The following ANO2 variants were observed in gnomAD, a reference collection of about 807,000 sequenced individuals.
The protein encoded by ANO2 is anoctamin-2.
A neutral mutation model predicts 124.2 loss-of-function variants in ANO2; 101 were observed. That is an observed-to-expected ratio of 0.81 (90% CI 0.69 to 0.96). The LOEUF is 0.96. Ranked by LOEUF, ANO2 falls within the 40% of genes least tolerant of loss-of-function variation. ANO2 has a pLI of 0.00. For missense variants in ANO2, 1,293 were observed against 1,274.5 expected (o/e 1.01, Z -0.22); for synonymous variants, 486 against 482.5 (o/e 1.01, Z -0.09).
At chr12:5,871,792 ACT>A (rs1272205868) in intron 3 of ANO2, among the ~76,000 whole-genome samples, 3 of 152,068 alleles carry the variant, frequency 2.0e-5, no homozygotes, top group African/African-American at 7.2e-5. Context: ...ATGGATACAA[ACT>A]CTGCTGTTTT....
intron 19 of ANO2, among the ~76,000 whole-genome samples, chr12:5,607,401 T>C (rs1218704151): frequency 2.6e-5 from 4 of 151,488 alleles, no homozygotes; most frequent in Non-Finnish European, 5.9e-5. Flanking sequence ...GTTTTTAGTT[T>C]AGTTTTGTTT....
chr12:5,773,916 C>T (rs993012036), intron 10 of ANO2, among the ~76,000 whole-genome samples: 2 of 152,252 alleles, frequency 1.3e-5, no homozygotes, highest in African/African-American at 2.4e-5. Flanking sequence ...ATGAAAATGA[C>T]CTTATCTCAT....
intron 3 of ANO2, among the ~76,000 whole-genome samples, chr12:5,880,477 T>G (rs1384760785): frequency 1.3e-5 from 2 of 151,786 alleles, no homozygotes; most frequent in African/African-American, 4.8e-5. Context: ...CACTGATACT[T>G]CAATGACAGA....
intron 1 of ANO2, among the ~76,000 whole-genome samples, chr12:5,927,562 T>A (rs1400361434): frequency 6.6e-6 from 1 of 152,318 alleles, no homozygotes; most frequent in Non-Finnish European, 1.5e-5. Context: ...TATTCCACCC[T>A]CCACTGTCCA....
intron 15 of ANO2, among the ~76,000 whole-genome samples, chr12:5,640,727 G>A (rs555968574): frequency 1.0e-3 from 158 of 152,304 alleles, no homozygotes; most frequent in Admixed American, 2.5e-3. Flanking sequence ...GGAAACAACA[G>A]ATGCTGGAGA....
chr12:5,685,735 C>T (rs549810221), intron 14 of ANO2, among the ~76,000 whole-genome samples: 1 of 152,330 alleles, frequency 6.6e-6, no homozygotes, highest in Admixed American at 6.5e-5. Context: ...TGTGATCATG[C>T]CACTGCACTC....
intron 16 of ANO2, among the ~76,000 whole-genome samples, chr12:5,624,551 C>A (rs185434102): frequency 2.0e-3 from 302 of 152,246 alleles, no homozygotes; most frequent in African/African-American, 7.1e-3. Context: ...CCATTCTCAG[C>A]CCACCCCTCA....
intron 13 of ANO2, chr12:5,733,208 T>C: frequency 2.3e-6 from 1 of 428,064 alleles, no homozygotes. Flanking sequence ...ACCTGTTTCC[T>C]GTGCAGCCTC....
At chr12:5,696,909 T>G (rs1949205627) in intron 14 of ANO2, among the ~76,000 whole-genome samples, 1 of 152,236 alleles carries the variant, frequency 6.6e-6, no homozygotes, top group African/African-American at 2.4e-5. Context: ...CATAGTTTAG[T>G]TTAATTTAAA....
intron 16 of ANO2, among the ~76,000 whole-genome samples, chr12:5,626,993 T>C (rs1003951): frequency 0.23 from 35,504 of 152,132 alleles, 5,155 homozygotes; most frequent in Admixed American, 0.34. Context: ...TGCAAGGACT[T>C]TGCAGGGAAA....
At chr12:5,661,774 T>C (rs759410571) in intron 14 of ANO2, among the ~76,000 whole-genome samples, 1 of 152,182 alleles carries the variant, frequency 6.6e-6, no homozygotes, top group East Asian at 1.9e-4. Flanking sequence ...GGGCCAGGAA[T>C]CTGTTTTTGA....
chr12:5,571,330 C>A (rs1942104284), intron 23 of ANO2, among the ~76,000 whole-genome samples: 1 of 152,224 alleles, frequency 6.6e-6, no homozygotes, highest in Non-Finnish European at 1.5e-5. Context: ...TACGGAGCAG[C>A]CCTGCCAGAG....
chr12:5,933,055 T>C (rs1318584605), intron 1 of ANO2, among the ~76,000 whole-genome samples: 1 of 152,202 alleles, frequency 6.6e-6, no homozygotes, highest in Middle Eastern at 3.2e-3. Context: ...CACCCTCATT[T>C]TCTGCCTGCG....
chr12:5,590,786 C>T (rs932262090), intron 20 of ANO2, among the ~76,000 whole-genome samples: 31 of 152,316 alleles, frequency 2.0e-4, no homozygotes, highest in African/African-American at 7.5e-4. Context: ...AACAGTAGGT[C>T]CTTTCTTATA....
chr12:5,724,455 C>T (rs1194653243), intron 14 of ANO2, among the ~76,000 whole-genome samples: 1 of 152,192 alleles, frequency 6.6e-6, no homozygotes, highest in African/African-American at 2.4e-5. Flanking sequence ...AAGAGGGACC[C>T]TCATCCCCTG....
Position 5,658,528 on chromosome 12 carries a change from T to C in ANO2, c.1546-10727A>G, listed in dbSNP as rs1268728190. ...AAATCAATATAATCATCAACATCAA[T>C]ATCATCGTATCAAAATCAATATAAT... On this transcript the variant is annotated intron_variant, in intron 14 of 24. Coordinates refer to ENST00000682330, the MANE Select transcript of ANO2 (RefSeq NM_001364791.2). This position sits in a 1 kb window ranked among gnomAD's most constrained non-coding sequence, Gnocchi z 4.3. Among the ~76,000 whole-genome samples, 1 of 152,092 alleles carries C rather than the reference T, an allele frequency of 6.6e-6. No homozygotes were observed. Among genetic ancestry groups the C allele is most frequent in the Non-Finnish European group, 1.5e-5 (1 of 68,034 alleles).
chr12:5,722,959 AACG>A (rs1313162935), intron 14 of ANO2, among the ~76,000 whole-genome samples: 5 of 152,218 alleles, frequency 3.3e-5, no homozygotes, highest in African/African-American at 1.2e-4. Context: ...AAACAACAAC[AACG>A]ACAACAACAA....
chr12:5,668,920 C>T (rs2136984240), intron 14 of ANO2, among the ~76,000 whole-genome samples: 1 of 152,194 alleles, frequency 6.6e-6, no homozygotes, highest in Admixed American at 6.5e-5. Context: ...TTTTTTTGTA[C>T]CAGCACCATG....
intron 20 of ANO2, among the ~76,000 whole-genome samples, chr12:5,594,672 C>CA (rs1192196116): frequency 3.9e-5 from 6 of 152,154 alleles, no homozygotes; most frequent in South Asian, 2.1e-4. Context: ...CTCACAGCTA[C>CA]AAAAAAATCA....
Sources: gnomAD v4.1 joint callset for allele counts (sites outside exome capture counted in the v4.1 genomes callset) on GRCh38, gnomAD v4.1.1 for gene constraint, Gnocchi (gnomAD v3.1) non-coding constraint, MANE v1.5 for transcripts, NCBI Gene and HGNC (gene_info 2026-07-23, HGNC 2026-07-21) for gene names.